LYSMD1: variants seen among roughly 807,000 people sequenced by gnomAD.
LYSMD1 encodes the protein lysM and putative peptidoglycan-binding domain-containing protein 1.
A neutral mutation model predicts 19.3 loss-of-function variants in LYSMD1; 9 were observed. That is an observed-to-expected ratio of 0.47 (90% confidence interval 0.28 to 0.81). The LOEUF is 0.81. Among genes scored for constraint, LYSMD1 ranks in the 40% least tolerant of loss-of-function variants. The pLI, the probability that LYSMD1 is intolerant of heterozygous loss-of-function variation, is 0.11. For synonymous variants in LYSMD1, 111 were observed against 111.7 expected (o/e 0.99, Z 0.04); for missense variants, 262 against 279.8 (o/e 0.94, Z 0.45).
At chr1:151,158,627 T>C (rs1683313534), downstream of LYSMD1, 1 of 1,336,938 alleles carries the variant, frequency 7.5e-7, no homozygotes, top group Non-Finnish European at 1.0e-6. Context: ...GGAAAAGCCA[T>C]TTCTCTCTTT....
the LYSMD1 span, among the ~76,000 whole-genome samples, chr1:151,148,638 T>C: frequency 6.6e-6 from 1 of 152,154 alleles, no homozygotes; most frequent in Non-Finnish European, 1.5e-5. Flanking sequence ...CACAGAAAGA[T>C]GCTGGATACA....
rs587699753 is a variant in LYSMD1, at chr1:151,161,825, G to A, written c.456C>T (p.Leu152=). 2 of 1,613,452 alleles carry A rather than the reference G, an allele frequency of 1.2e-6. No homozygotes were observed. Among genetic ancestry groups the A allele is most frequent in the Non-Finnish European group, 8.5e-7 (1 of 1,179,888 alleles). ...GCTTCTTAAGGAAATCAGAGGCAGA[G>A]AGGTCATGGATGGGCGTGGGGGTTT... ...GQETPTPIHD[L]SASDFLKKLD... The change falls in exon 2 of 3, where the codon CTC becomes CTT. Residue 152 remains leucine, a synonymous_variant. Coordinates refer to ENST00000368908, the MANE Select transcript of LYSMD1 (RefSeq NM_212551.5).
At chr1:151,151,036 C>G in the LYSMD1 span, among the ~76,000 whole-genome samples, 2 of 152,062 alleles carry the variant, frequency 1.3e-5, no homozygotes, top group African/African-American at 4.8e-5. Context: ...CCACACCCAG[C>G]CTAATATGAC....
intron 1 of LYSMD1, among the ~76,000 whole-genome samples, chr1:151,162,966 C>T (rs1360320567): frequency 6.6e-6 from 1 of 152,178 alleles, no homozygotes; most frequent in Non-Finnish European, 1.5e-5. Flanking sequence ...TATGGCTCCG[C>T]ACTGGCTAAA....
At chr1:151,150,511 C>T in the LYSMD1 span, among the ~76,000 whole-genome samples, 2 of 152,184 alleles carry the variant, frequency 1.3e-5, no homozygotes, top group Admixed American at 1.3e-4. Flanking sequence ...ATTAAGGCCA[C>T]CAACGACCTC....
chr1:151,164,049 A>G (rs954797931), intron 1 of LYSMD1, among the ~76,000 whole-genome samples: 7 of 152,026 alleles, frequency 4.6e-5, no homozygotes, highest in Non-Finnish European at 8.8e-5. Context: ...GAGCACCACC[A>G]CGCCCGGCTA....
chr1:151,165,240 G>C lies in LYSMD1; in HGVS notation c.19C>G (p.Gln7Glu). 1 of 1,613,246 alleles carries C rather than the reference G, an allele frequency of 6.2e-7. No individual in the cohort carries two copies. Among genetic ancestry groups the C allele is most frequent in the Non-Finnish European group, 8.5e-7 (1 of 1,179,580 alleles). ...AGTCCTGACCCCCCTGGCGGGGGCT[G>C]TCTAGACGGGGAAGCCATCTCTTCA... Reference protein sequence around the residue: MASPSRQPPPGGSGLLQ... With the variant: MASPSREPPPGGSGLLQ... The change falls in exon 1 of 3, where the codon CAG becomes GAG. Residue 7 changes from glutamine (Q) to glutamate (E), a missense_variant. Gln to Glu is a conservative substitution (Grantham distance 29, BLOSUM62 2). Coordinates refer to ENST00000368908, the MANE Select transcript of LYSMD1 (RefSeq NM_212551.5).
chr1:151,148,843 A>G, the LYSMD1 span, among the ~76,000 whole-genome samples: 46 of 152,310 alleles, frequency 3.0e-4, no homozygotes, highest in African/African-American at 1.1e-3. Context: ...GGAAAAGGGG[A>G]AGACAAATTA....
downstream of LYSMD1, chr1:151,159,435 A>G: frequency 1.6e-6 from 1 of 633,596 alleles, no homozygotes; most frequent in East Asian, 2.9e-5. Context: ...AGAAGGAGCA[A>G]TGCTGAGGGG....
chr1:151,151,189 CTGTTT>C, the LYSMD1 span, among the ~76,000 whole-genome samples: 7 of 151,890 alleles, frequency 4.6e-5, no homozygotes, highest in Non-Finnish European at 8.8e-5. Flanking sequence ...TTACAATAAA[CTGTTT>C]TGTTTTGTTT....
chr1:151,159,413 A>G (rs1456691085), downstream of LYSMD1: 12 of 711,306 alleles, frequency 1.7e-5, no homozygotes, highest in Non-Finnish European at 2.8e-5. Context: ...CCCACCCCCA[A>G]ACAGCTAGTG....
chr1:151,161,166 C>T, intron 2 of LYSMD1, 146 bp from the exon 3 acceptor site: 1 of 763,252 alleles, frequency 1.3e-6, no homozygotes, highest in Admixed American at 2.7e-5. Context: ...TAAATCCTAA[C>T]CCTAATGCTC....
chr1:151,157,933 A>G (rs1683279849), downstream of LYSMD1, among the ~76,000 whole-genome samples: 1 of 152,156 alleles, frequency 6.6e-6, no homozygotes, highest in African/African-American at 2.4e-5. Context: ...TAAATTACTT[A>G]ATGTAAGTAT....
downstream of LYSMD1, chr1:151,156,778 A>G (rs2067606): frequency 0.33 from 50,175 of 152,066 alleles, 11,124 homozygotes; most frequent in African/African-American, 0.64. Context: ...TGGCAGAGGA[A>G]TCTCTAGCTC....
downstream of LYSMD1, among the ~76,000 whole-genome samples, chr1:151,155,514 T>C (rs915527868): frequency 1.3e-5 from 2 of 151,982 alleles, no homozygotes; most frequent in African/African-American, 2.4e-5. Context: ...GGTAGGAGGA[T>C]TGCTTGAGCT....
At chr1:151,149,415 A>T in the LYSMD1 span, among the ~76,000 whole-genome samples, 6 of 151,750 alleles carry the variant, frequency 4.0e-5, no homozygotes, top group East Asian at 1.2e-3. Context: ...AAATAAAAAT[A>T]AAAAACCTCT....
At chr1:151,163,911 T>A (rs1184403413) in intron 1 of LYSMD1, among the ~76,000 whole-genome samples, 1 of 151,358 alleles carries the variant, frequency 6.6e-6, no homozygotes, top group Admixed American at 6.6e-5. Context: ...TGTGTGTGTG[T>A]GTCTCACTCT....
downstream of LYSMD1, chr1:151,159,397 G>C: frequency 1.2e-6 from 1 of 868,234 alleles, no homozygotes; most frequent in Non-Finnish European, 1.8e-6. Flanking sequence ...TTGACTCTGA[G>C]ACCAGCCCAC....
At chr1:151,161,060 G>A in intron 2 of LYSMD1, 40 bp from the exon 3 acceptor site, 1 of 1,607,050 alleles carries the variant, frequency 6.2e-7, no homozygotes, top group South Asian at 1.1e-5. Flanking sequence ...ACAGATCAAG[G>A]GAAGAACCTG....
Sources: allele counts gnomAD v4.1 joint callset (sites outside exome capture counted in the v4.1 genomes callset), GRCh38; gene constraint gnomAD v4.1.1; transcripts MANE v1.5; gene names NCBI Gene and HGNC (gene_info 2026-07-23, HGNC 2026-07-21).